The following PTPRZ1 variants were observed in gnomAD, a reference collection of about 807,000 sequenced individuals.
PTPRZ1 encodes receptor-type tyrosine-protein phosphatase zeta.
Under a neutral mutation model 214.1 loss-of-function variants are expected in PTPRZ1, and 82 were observed. The ratio of observed to expected loss-of-function variants is 0.38; its 90% CI spans 0.32 to 0.46. The LOEUF (loss-of-function observed/expected upper bound fraction) is 0.46. Among genes scored for constraint, PTPRZ1 ranks in the 20% least tolerant of loss-of-function variants. PTPRZ1 has a pLI of 1.00. For synonymous variants in PTPRZ1, 945 were observed against 987.9 expected (o/e 0.96, Z 0.81); for missense variants, 2,603 against 2,748.7 (o/e 0.95, Z 1.19).
chr7:122,052,658 A>C (rs1792221936), intron 25 of PTPRZ1, among the ~76,000 whole-genome samples: 1 of 152,208 alleles, frequency 6.6e-6, no homozygotes, highest in Non-Finnish European at 1.5e-5. Flanking sequence ...ATCTGAAAGC[A>C]GAAGGGGCTA....
intron 6 of PTPRZ1, among the ~76,000 whole-genome samples, chr7:121,980,773 A>G (rs572746787): frequency 9.8e-5 from 15 of 152,344 alleles, no homozygotes; most frequent in African/African-American, 3.6e-4. Context: ...TTCAGTCTTC[A>G]TAGAGTTTAC....
rs901575520 is a variant in PTPRZ1, at chr7:121,873,220, C to T, written c.-280C>T. 1.2e-5 allele frequency: 5 copies of T among 426,878 alleles called. No homozygotes were observed. Among genetic ancestry groups the T allele is most frequent in the African/African-American group, 8.1e-5 (4 of 49,100 alleles). The allele number at this position is 426,878 out of a possible 1,614,324, so 26.4% of individuals were successfully genotyped here. On this transcript the variant is annotated 5_prime_UTR_variant, in exon 1 of 30. Coordinates refer to ENST00000393386, the MANE Select transcript of PTPRZ1 (RefSeq NM_002851.3). ...AGTCCCGCACGCCGGAGGACATGCG[C>T]CTCGGCTAGCGGCCCCGGGCCCCAC...
chr7:121,920,592 T>A (rs1362780833), intron 1 of PTPRZ1, among the ~76,000 whole-genome samples: 2 of 152,204 alleles, frequency 1.3e-5, no homozygotes, highest in Non-Finnish European at 2.9e-5. Context: ...GACATAAAAC[T>A]AGGTAACTAT....
At chr7:122,023,329 A>G (rs1156267775) in intron 13 of PTPRZ1, among the ~76,000 whole-genome samples, 1 of 151,114 alleles carries the variant, frequency 6.6e-6, no homozygotes, top group Non-Finnish European at 1.5e-5. Flanking sequence ...CATTTGCTAT[A>G]TGGCCTTGGG....
intron 1 of PTPRZ1, 78 bp from the exon 2 acceptor site, chr7:121,928,078 T>C: frequency 1.0e-6 from 1 of 986,434 alleles, no homozygotes; most frequent in Non-Finnish European, 1.6e-6. Flanking sequence ...CTATTTATGG[T>C]ATGAATAATT....
At chr7:121,933,168 A>AAAT (rs398006058) in intron 2 of PTPRZ1, among the ~76,000 whole-genome samples, 3 of 151,076 alleles carry the variant, frequency 2.0e-5, no homozygotes, top group Non-Finnish European at 1.5e-5. Flanking sequence ...AAAAAAAAAA[A>AAAT]GATAAAGTGA....
intron 23 of PTPRZ1, among the ~76,000 whole-genome samples, chr7:122,046,057 C>T (rs1405866622): frequency 2.0e-5 from 3 of 152,110 alleles, no homozygotes; most frequent in African/African-American, 7.2e-5. Flanking sequence ...AGGGCGCAAA[C>T]AAGAATTTGT....
At chr7:121,976,665 T>C (rs1797444412) in intron 5 of PTPRZ1, 120 bp from the exon 6 acceptor site, 2 of 794,278 alleles carry the variant, frequency 2.5e-6, no homozygotes, top group South Asian at 5.9e-5. Flanking sequence ...AAAAGTGTTT[T>C]TGGAACTTAC....
intron 14 of PTPRZ1, among the ~76,000 whole-genome samples, chr7:122,031,126 T>G (rs1288324327): frequency 6.6e-6 from 1 of 152,066 alleles, no homozygotes; most frequent in Non-Finnish European, 1.5e-5. Context: ...TCTCAGAATT[T>G]ACATGCAACA....
chr7:121,899,341 A>G (rs1794892850), intron 1 of PTPRZ1, among the ~76,000 whole-genome samples: 1 of 152,162 alleles, frequency 6.6e-6, no homozygotes, highest in Admixed American at 6.5e-5. Context: ...TGATTTCAAG[A>G]TCTCTCAAGT....
chr7:121,897,450 T>C (rs1476804592), intron 1 of PTPRZ1, among the ~76,000 whole-genome samples: 1 of 152,210 alleles, frequency 6.6e-6, no homozygotes, highest in Non-Finnish European at 1.5e-5. Context: ...CGAGGCTTTC[T>C]GCTGCCATGG....
intron 20 of PTPRZ1, among the ~76,000 whole-genome samples, chr7:122,039,838 A>T (rs533962875): frequency 5.3e-5 from 8 of 152,162 alleles, no homozygotes; most frequent in Non-Finnish European, 8.8e-5. Flanking sequence ...TATCTACTAA[A>T]AATGCAAAAA....
At chr7:122,006,258 G>T (rs1209318781) in intron 11 of PTPRZ1, among the ~76,000 whole-genome samples, 3 of 151,998 alleles carry the variant, frequency 2.0e-5, no homozygotes, top group Non-Finnish European at 4.4e-5. Flanking sequence ...AAACATTTGA[G>T]ATCCTTTTTT....
At chr7:121,944,911 G>A (rs954810401) in intron 2 of PTPRZ1, among the ~76,000 whole-genome samples, 10 of 152,064 alleles carry the variant, frequency 6.6e-5, no homozygotes, top group Admixed American at 3.9e-4. Context: ...CTTTAGCGCT[G>A]GAATTACAGC....
At position 122,034,129 on chromosome 7, in the gene PTPRZ1, T is replaced by C. The variant is rs995070184; in HGVS notation, c.5187+14T>C. ...GAGTTTTACCAGGTAAGGCATTATT[T>C]CACTGCATTTTCTTTTAGCCAAGAA... is the stretch of plus-strand genomic sequence containing the variant. On this transcript the variant is annotated intron_variant, in intron 16 of 29. Transcript: ENST00000393386. 1.3e-6 allele frequency: 2 copies of C among 1,591,696 alleles called. No homozygotes were observed. The highest frequency in any genetic ancestry group is 1.7e-5 in the Admixed American group (1 of 59,844).
intron 1 of PTPRZ1, among the ~76,000 whole-genome samples, chr7:121,873,877 A>G (rs535192963): frequency 2.0e-5 from 3 of 152,208 alleles, no homozygotes; most frequent in East Asian, 1.9e-4. Context: ...CCTCTTTTGC[A>G]AAGTGTAGAA....
At chr7:122,046,780 A>G (rs964350766) in intron 23 of PTPRZ1, among the ~76,000 whole-genome samples, 10 of 152,170 alleles carry the variant, frequency 6.6e-5, no homozygotes, top group Admixed American at 2.6e-4. Flanking sequence ...TGTCCCAATA[A>G]ACATGTATAT....
At chr7:121,891,827 C>T (rs746785714) in intron 1 of PTPRZ1, among the ~76,000 whole-genome samples, 17 of 151,852 alleles carry the variant, frequency 1.1e-4, no homozygotes, top group Non-Finnish European at 1.9e-4. Flanking sequence ...TAGTAAAATG[C>T]CTTAAGTTTT....
chr7:122,035,743 C>A (rs1045497662), intron 17 of PTPRZ1, among the ~76,000 whole-genome samples: 2 of 152,198 alleles, frequency 1.3e-5, no homozygotes, highest in African/African-American at 4.8e-5. Context: ...CAGAGTATCT[C>A]TTTAACTTGT....
Sources: allele counts gnomAD v4.1 joint callset (sites outside exome capture counted in the v4.1 genomes callset), GRCh38; gene constraint gnomAD v4.1.1; transcripts MANE v1.5; gene names NCBI Gene and HGNC (gene_info 2026-07-23, HGNC 2026-07-21).